LARS2: variants seen among roughly 807,000 people sequenced by gnomAD.
LARS2 encodes leucine--tRNA ligase, mitochondrial.
LARS2 carries 81 observed loss-of-function variants against 116.6 expected under a neutral mutation model. The ratio of observed to expected loss-of-function variants is 0.69; its 90% confidence interval spans 0.58 to 0.84. The LOEUF (loss-of-function observed/expected upper bound fraction) is 0.84, where lower values mean the gene tolerates loss of function less well. Among genes scored for constraint, LARS2 ranks in the 40% least tolerant of loss-of-function variants. The pLI is 0.00. For missense variants in LARS2, 968 were observed against 1,114.5 expected, an observed-to-expected ratio of 0.87 and a Z score of 1.87; for synonymous variants, 396 against 407.2, an observed-to-expected ratio of 0.97 and a Z score of 0.33.
chr3:45,389,434 C>G (rs1431319565), intron 1 of LARS2, among the ~76,000 whole-genome samples: 3 of 152,186 alleles, frequency 2.0e-5, no homozygotes, highest in African/African-American at 7.2e-5. Flanking sequence ...AGCGCCTCTT[C>G]CGTGAAAGGG....
At chr3:45,470,691 A>C (rs1699507176) in intron 8 of LARS2, among the ~76,000 whole-genome samples, 2 of 152,150 alleles carry the variant, frequency 1.3e-5, no homozygotes, top group Admixed American at 1.3e-4. Context: ...TGACCTCTCA[A>C]CCCCATTTTT....
intron 20 of LARS2, among the ~76,000 whole-genome samples, chr3:45,528,873 CTTT>C (rs11350117): frequency 7.0e-6 from 1 of 142,474 alleles, no homozygotes. Flanking sequence ...TCTACAACAT[CTTT>C]TTTTTTTTTT....
rs1057234165 is a variant in LARS2 at position 45,526,659 on chromosome 3, G to C, written c.2404+2551G>C. ...TTTGCAATGGTGACTCGGGCACAGC[G>C]TGTCTCCAAGAAGTAACTGACTGAC... On this transcript the variant is annotated intron_variant, in intron 20 of 21. Coordinates refer to ENST00000645846, the MANE Select transcript of LARS2 (RefSeq NM_015340.4). Among the ~76,000 whole-genome samples the C allele has an allele frequency of 8.5e-5, 13 of 152,062 alleles. 1 individual carries two copies. The highest frequency in any genetic ancestry group is 7.2e-4 in the Admixed American group (11 of 15,256).
rs1297954758 is a variant in LARS2, at chr3:45,394,545, G to C, written c.92G>C (p.Arg31Thr). The change falls in exon 3 of 22, where the codon AGA (arginine) becomes ACA (threonine). Residue 31 changes from arginine (R) to threonine (T), a missense_variant. Physicochemically the swap from Arg to Thr is moderately conservative, Grantham distance 71. Transcript: ENST00000645846. Reference sequence around the variant, plus strand: ...CCAGATGTCATCAAGTGGGAAAGGAGAGTAATTCCCGGATGTACCAGAAGC... The same window carrying C: ...CCAGATGTCATCAAGTGGGAAAGGACAGTAATTCCCGGATGTACCAGAAGC... Reference protein sequence around the residue: ...GGPDVIKWERRVIPGCTRSIY... With the variant: ...GGPDVIKWERTVIPGCTRSIY... 2 of 1,614,024 alleles carry C rather than the reference G, an allele frequency of 1.2e-6. No individual in the cohort carries two copies. Among genetic ancestry groups the C allele is most frequent in the Non-Finnish European group, 1.7e-6 (2 of 1,179,984 alleles).
At chr3:45,466,455 C>T (rs528032065) in intron 8 of LARS2, among the ~76,000 whole-genome samples, 8 of 152,154 alleles carry the variant, frequency 5.3e-5, no homozygotes, top group African/African-American at 1.9e-4. Context: ...CTCATGCCTG[C>T]ATTTACTGCT....
intron 14 of LARS2, among the ~76,000 whole-genome samples, chr3:45,500,095 G>A (rs1354936506): frequency 5.9e-5 from 9 of 152,124 alleles, no homozygotes; most frequent in African/African-American, 2.2e-4. Context: ...TCTGCCTCCC[G>A]GGTTCAAGTG....
intron 15 of LARS2, among the ~76,000 whole-genome samples, chr3:45,504,715 G>A (rs1189426839): frequency 1.3e-5 from 2 of 151,398 alleles, no homozygotes; most frequent in Non-Finnish European, 2.9e-5. Context: ...TCCTGTTACT[G>A]TCATGGTCTC....
chr3:45,415,897 A>T (rs144905875), intron 4 of LARS2, among the ~76,000 whole-genome samples: 2 of 102,128 alleles, frequency 2.0e-5, no homozygotes, highest in Non-Finnish European at 3.8e-5. Context: ...AGAGAGGGAG[A>T]GAGAGAGAGA....
At chr3:45,511,151 G>A (rs1700283435) in intron 15 of LARS2, among the ~76,000 whole-genome samples, 1 of 152,260 alleles carries the variant, frequency 6.6e-6, no homozygotes, top group East Asian at 1.9e-4. Context: ...GATGGCCCCT[G>A]CTGCACTGCA....
chr3:45,487,373 C>T (rs574651876), intron 11 of LARS2, among the ~76,000 whole-genome samples: 1 of 152,286 alleles, frequency 6.6e-6, no homozygotes, highest in East Asian at 1.9e-4. Context: ...CAAAACTTTC[C>T]ATCATGTCAC....
intron 13 of LARS2, among the ~76,000 whole-genome samples, chr3:45,495,944 C>G (rs1700003925): frequency 6.6e-6 from 1 of 152,086 alleles, no homozygotes; most frequent in Middle Eastern, 3.2e-3. Context: ...ACTGCAACCT[C>G]CACCTCCCGG....
intron 10 of LARS2, among the ~76,000 whole-genome samples, chr3:45,478,585 C>G (rs1325425349): frequency 6.6e-6 from 1 of 152,176 alleles, no homozygotes; most frequent in East Asian, 1.9e-4. Flanking sequence ...CTGACCTGGC[C>G]TAGTCATTTC....
chr3:45,480,365 G>C (rs1191690167), intron 10 of LARS2, among the ~76,000 whole-genome samples: 1 of 152,246 alleles, frequency 6.6e-6, no homozygotes, highest in African/African-American at 2.4e-5. Flanking sequence ...TATATGGACT[G>C]CCGCCTTGGT....
chr3:45,502,168 A>T (rs1311027743), intron 15 of LARS2, among the ~76,000 whole-genome samples: 1 of 152,030 alleles, frequency 6.6e-6, no homozygotes, highest in Non-Finnish European at 1.5e-5. Context: ...GAAGTTTATC[A>T]TGTTTCATAG....
intron 19 of LARS2, among the ~76,000 whole-genome samples, chr3:45,522,909 T>A (rs1700475633): frequency 6.6e-6 from 1 of 152,084 alleles, no homozygotes; most frequent in Non-Finnish European, 1.5e-5. Flanking sequence ...AAAATTAATT[T>A]TTAAAATTAA....
chr3:45,516,137 G>A lies in LARS2; in HGVS notation c.1905G>A (p.Val635=). 1 of 1,614,222 alleles carries A rather than the reference G, an allele frequency of 6.2e-7. No homozygotes were observed. Among genetic ancestry groups the A allele is most frequent in the Non-Finnish European group, 8.5e-7 (1 of 1,180,042 alleles). Residue 635 remains valine, a synonymous_variant, in exon 17 of 22, where the codon GTG becomes GTA. Coordinates refer to ENST00000645846, the MANE Select transcript of LARS2 (RefSeq NM_015340.4). ...VHAKTKEKLE[V]TWEKMSKSKH... ...CAAAAACGAAAGAGAAGTTAGAGGTGACGTGGGAGAAGATGAGTAAGTCCA... is the reference window on the plus strand; with the variant it reads ...CAAAAACGAAAGAGAAGTTAGAGGTAACGTGGGAGAAGATGAGTAAGTCCA...
At chr3:45,421,355 A>C (rs888766941) in intron 6 of LARS2, 2 of 152,234 alleles carry the variant, frequency 1.3e-5, no homozygotes, top group African/African-American at 4.8e-5. Flanking sequence ...TAGTTAGATA[A>C]ATGCACTATT....
chr3:45,524,795 A>G (rs1240863773), intron 20 of LARS2, among the ~76,000 whole-genome samples: 3 of 152,224 alleles, frequency 2.0e-5, no homozygotes, highest in African/African-American at 7.2e-5. Context: ...TTCTAAAAAA[A>G]AGATCTCTCC....
At position 45,419,746 on chromosome 3, in the gene LARS2, T is replaced by C. The variant is rs1269381667; in HGVS notation, c.516+17T>C. ...TGGGATAGGGTAAGTCAACTCTTTT[T>C]CCTGAAAGGTCGTCATTTTAAGGAA... is the stretch of plus-strand genomic sequence containing the variant. On this transcript the variant is annotated intron_variant, in intron 6 of 21. Transcript: ENST00000645846. The C allele has an allele frequency of 6.2e-7, 1 of 1,604,526 alleles. No individual in the cohort carries two copies. Among genetic ancestry groups the C allele is most frequent in the South Asian group, 1.1e-5 (1 of 90,876 alleles).
Sources: gnomAD v4.1 joint callset for allele counts (sites outside exome capture counted in the v4.1 genomes callset) on GRCh38, gnomAD v4.1.1 for gene constraint, MANE v1.5 for transcripts, NCBI Gene and HGNC (gene_info 2026-07-23, HGNC 2026-07-21) for gene names.